MYOM2: variants seen among roughly 807,000 people sequenced by gnomAD.
The protein encoded by MYOM2 is myomesin-2.
MYOM2 carries 254 observed loss-of-function variants against 187.6 expected under a neutral mutation model. The observed-to-expected ratio is 1.35, with a 90% CI of 1.22 to 1.50. The LOEUF is 1.50. MYOM2 is among the 40% of genes most tolerant of loss of function. The pLI is 0.00. For synonymous variants in MYOM2, 981 were observed against 753.8 expected, an observed-to-expected ratio of 1.30 and a Z score of -4.94; for missense variants, 2,796 against 1,924.0, an observed-to-expected ratio of 1.45 and a Z score of -8.48.
intron 6 of MYOM2, among the ~76,000 whole-genome samples, chr8:2,068,384 G>C (rs990196559): frequency 7.3e-5 from 11 of 150,392 alleles, no homozygotes; most frequent in Non-Finnish European, 1.6e-4. Context: ...GAGCATCCTG[G>C]GGACAGCTCT....
chr8:2,143,944 T>G (rs1042113388), intron 36 of MYOM2, among the ~76,000 whole-genome samples: 6 of 152,242 alleles, frequency 3.9e-5, no homozygotes, highest in Non-Finnish European at 7.3e-5. Flanking sequence ...TGGAAGCCAC[T>G]TATTGGAGTT....
In MYOM2 at chr8:2,130,452, C is replaced by T. The variant is rs117568265; in HGVS notation, c.3800+1220C>T. ...TATACCCAGGGCGCCCACACCCTGC[C>T]TTTAGATATCATAGTTACCTAATGA... On this transcript the variant is annotated intron_variant, in intron 32 of 36. Transcript: ENST00000262113. Among the ~76,000 whole-genome samples the T allele has an allele frequency of 5.5e-4, 84 of 152,268 alleles. 1 individual carries two copies. In the East Asian group the frequency reaches 0.015, roughly 27 times the overall value.
At chr8:2,051,120 T>C (rs1818470733) in intron 2 of MYOM2, among the ~76,000 whole-genome samples, 1 of 152,082 alleles carries the variant, frequency 6.6e-6, no homozygotes, top group African/African-American at 2.4e-5. Flanking sequence ...AGGAAGTCCT[T>C]TGTATGAGCT....
At chr8:2,082,244 A>G (rs1585869597) in intron 13 of MYOM2, 1 of 152,336 alleles carries the variant, frequency 6.6e-6, no homozygotes, top group East Asian at 1.9e-4. Flanking sequence ...TGTTCACCTC[A>G]GCCATTTTAA....
intron 21 of MYOM2, 80 bp downstream of exon 21, chr8:2,102,861 G>A: frequency 1.7e-6 from 2 of 1,167,290 alleles, no homozygotes; most frequent in South Asian, 1.3e-5. Context: ...ATGGATGAGG[G>A]TGTGTGGATA....
At chr8:2,126,466 ACACT>A (rs1297195099) in intron 31 of MYOM2, among the ~76,000 whole-genome samples, 20 of 151,946 alleles carry the variant, frequency 1.3e-4, no homozygotes, top group African/African-American at 3.9e-4. Context: ...CACACCCTAC[ACACT>A]CACACACTCA....
chr8:2,056,372 C>T (rs956134112), intron 3 of MYOM2, among the ~76,000 whole-genome samples: 21 of 152,032 alleles, frequency 1.4e-4, no homozygotes, highest in Non-Finnish European at 1.5e-5. Context: ...CTTGGGAACG[C>T]GATGGTGAGG....
At chr8:2,103,927 C>G (rs1051916735) in intron 21 of MYOM2, among the ~76,000 whole-genome samples, 1 of 151,962 alleles carries the variant, frequency 6.6e-6, no homozygotes, top group Non-Finnish European at 1.5e-5. Context: ...GATGGGTGTA[C>G]GGATAAATGA....
intron 6 of MYOM2, among the ~76,000 whole-genome samples, chr8:2,067,838 T>A (rs888300059): frequency 6.6e-6 from 1 of 151,914 alleles, no homozygotes; most frequent in Non-Finnish European, 1.5e-5. Context: ...CACCCTTGAG[T>A]GGGTGATTCA....
In MYOM2 at chr8:2,144,813, C is replaced by T. The variant is rs756598430; in HGVS notation, c.4230C>T (p.Ser1410=). The change falls in exon 37 of 37, where the codon TCC becomes TCT. Residue 1410 remains serine, a synonymous_variant. Transcript: ENST00000262113. ...YVSMTIKGVT[S]EDSGKYSINI... The stretch of plus-strand genomic sequence containing the variant: ...GCATGACCATCAAAGGCGTGACCTC[C>T]GAGGACTCGGGCAAGTACAGCATCA... 2.0e-5 allele frequency: 32 copies of T among 1,614,034 alleles called. No homozygotes were observed. Among genetic ancestry groups the T allele is most frequent in the Admixed American group, 6.7e-5 (4 of 60,006 alleles).
chr8:2,055,277 C>T (rs2033910), intron 3 of MYOM2, among the ~76,000 whole-genome samples: 40,918 of 152,070 alleles, frequency 0.27, 6,242 homozygotes, highest in Non-Finnish European at 0.33. Flanking sequence ...AGAGGTGGCA[C>T]GTGCTCTGCA....
rs149265899 is a variant in MYOM2, at chr8:2,057,665, C to T, written c.445C>T (p.Arg149Trp). ...LAWERHTFEERISRAPEILVR... is the reference protein window; with the variant it reads ...LAWERHTFEEWISRAPEILVR... The stretch of plus-strand genomic sequence containing the variant: ...CTGGGAGAGACACACATTTGAAGAG[C>T]GGATAAGCAGGGCTCCTGAGATCCT... The change falls in exon 5 of 37, where the codon CGG becomes TGG. Residue 149 changes from arginine (R) to tryptophan (W), a missense_variant. Arg to Trp is a moderately radical substitution (Grantham distance 101, BLOSUM62 -3). Transcript: ENST00000262113. 5.5e-5 allele frequency: 88 copies of T among 1,613,922 alleles called. No individual in the cohort carries two copies. The highest frequency in any genetic ancestry group is 1.6e-4 in the Middle Eastern group (1 of 6,084).
At chr8:2,116,829 C>A (rs1797261821) in intron 27 of MYOM2, among the ~76,000 whole-genome samples, 1 of 152,162 alleles carries the variant, frequency 6.6e-6, no homozygotes, top group African/African-American at 2.4e-5. Context: ...GCCATCTTGG[C>A]TCACTGCAAG....
intron 1 of MYOM2, among the ~76,000 whole-genome samples, chr8:2,046,757 T>TC (rs1267498696): frequency 2.1e-5 from 3 of 141,702 alleles, no homozygotes; most frequent in Non-Finnish European, 3.2e-5. Context: ...TTTTCTTTTT[T>TC]TTTTTTTTGG....
chr8:2,106,695 C>G (rs989333465), intron 23 of MYOM2, 98 bp downstream of exon 23: 1 of 871,958 alleles, frequency 1.1e-6, no homozygotes, highest in Non-Finnish European at 1.7e-6. Context: ...AGAAAAAAGA[C>G]GTATGTTTGC....
rs767922685 is a variant in MYOM2, at chr8:2,072,373, G to A, written c.822G>A (p.Thr274=). 5 of 1,614,096 alleles carry A rather than the reference G, an allele frequency of 3.1e-6. No individual in the cohort carries two copies. Among genetic ancestry groups the A allele is most frequent in the South Asian group, 1.1e-5 (1 of 91,084 alleles). The stretch of plus-strand genomic sequence containing the variant: ...CCCTGTCATCGATGATTCCGTACAC[G>A]CACTTCGACGTCCAGTTTTTGGAGA... ...GLPLSSMIPY[T]HFDVQFLEKF... Residue 274 remains threonine, a synonymous_variant, in exon 9 of 37, where the codon ACG becomes ACA. Coordinates refer to ENST00000262113, the MANE Select transcript of MYOM2 (RefSeq NM_003970.4).
At position 2,145,071 on chromosome 8, in the gene MYOM2, G is replaced by C; in HGVS notation, c.*90G>C. On this transcript the variant is annotated 3_prime_UTR_variant, in exon 37 of 37. Transcript: ENST00000262113. The stretch of plus-strand genomic sequence containing the variant: ...TTCCAAATGAGCAGCTGGCATCCGA[G>C]TGGTGTCCTGTGTGGGCTGATAGTT... 7.1e-7 allele frequency: 1 copy of C among 1,409,034 alleles called. No homozygotes were observed. Among genetic ancestry groups the C allele is most frequent in the Non-Finnish European group, 9.7e-7 (1 of 1,027,066 alleles). 87.3% of individuals were successfully genotyped at this position (1,409,034 alleles called of 1,614,324 possible). A position where few individuals can be genotyped will look rare whatever the true frequency, so the allele number is the denominator to read the frequency against.
intron 3 of MYOM2, 114 bp downstream of exon 3, chr8:2,052,427 A>C: frequency 8.6e-7 from 1 of 1,163,092 alleles, no homozygotes; most frequent in Non-Finnish European, 1.2e-6. Context: ...CAAGGAACAC[A>C]GGCCATGCCT....
intron 18 of MYOM2, among the ~76,000 whole-genome samples, chr8:2,098,558 T>G (rs1405140719): frequency 6.6e-6 from 1 of 152,120 alleles, no homozygotes; most frequent in Non-Finnish European, 1.5e-5. Flanking sequence ...TGGGCCTCAG[T>G]TTCCTTACCT....
Sources: gnomAD v4.1 joint callset for allele counts (sites outside exome capture counted in the v4.1 genomes callset) on GRCh38, gnomAD v4.1.1 for gene constraint, MANE v1.5 for transcripts, NCBI Gene and HGNC (gene_info 2026-07-23, HGNC 2026-07-21) for gene names.